CPNE7: variants seen among roughly 807,000 people sequenced by gnomAD.
CPNE7 encodes the protein copine 7.
CPNE7 carries 78 observed loss-of-function variants against 66.5 expected under a neutral mutation model. The observed-to-expected ratio is 1.17, with a 90% CI of 0.98 to 1.42. The LOEUF (loss-of-function observed/expected upper bound fraction) is 1.42, where lower values mean the gene tolerates loss of function less well. CPNE7 is among the 40% of genes most tolerant of loss of function. The pLI, the probability that CPNE7 is intolerant of heterozygous loss-of-function variation, is 0.00. For missense variants in CPNE7, 1,012 were observed against 776.6 expected (o/e 1.30, Z -3.60); for synonymous variants, 468 against 336.7 (o/e 1.39, Z -4.27).
chr16:89,586,862 C>T, intron 8 of CPNE7, 106 bp downstream of exon 8: 2 of 1,189,224 alleles, frequency 1.7e-6, no homozygotes, highest in Non-Finnish European at 2.5e-6. Context: ...TGGGCCCCAG[C>T]ACGTCTGGGG....
At chr16:89,583,460 C>T (rs1290130581) in intron 2 of CPNE7, 4 of 1,550,562 alleles carry the variant, frequency 2.6e-6, no homozygotes, top group African/African-American at 1.4e-5. Flanking sequence ...TGACCTCTGC[C>T]TCCCCTGGGC....
rs1436619913 is a variant in CPNE7 at position 89,575,991 on chromosome 16, C to T, written c.94C>T (p.His32Tyr). Reference protein sequence around the residue: ...SKVELRLSCRHLLDRDPLTKS... With the variant: ...SKVELRLSCRYLLDRDPLTKS... Reference sequence around the variant, plus strand: ...GGTGGAGCTGCGGCTCAGCTGCCGGCACCTGCTGGACCGCGACCCGCTCAC... The same window carrying T: ...GGTGGAGCTGCGGCTCAGCTGCCGGTACCTGCTGGACCGCGACCCGCTCAC... Residue 32 changes from histidine (H) to tyrosine (Y), a missense_variant, in exon 1 of 15, where the codon CAC becomes TAC. By Grantham distance (83) the His-to-Tyr change is moderately conservative. Coordinates refer to ENST00000319518, the MANE Select transcript of CPNE7 (RefSeq NM_153636.3). The T allele has an allele frequency of 2.9e-6, 4 of 1,379,482 alleles. No homozygotes were observed. The highest frequency in any genetic ancestry group is 3.8e-6 in the Non-Finnish European group (4 of 1,065,630). 85.5% of individuals were successfully genotyped at this position (1,379,482 alleles called of 1,614,324 possible).
Position 89,584,854 on chromosome 16 carries a change from G to T in CPNE7, c.588G>T (p.Thr196=), listed in dbSNP as rs753121212. The T allele has an allele frequency of 1.9e-6, 3 of 1,613,156 alleles. No individual in the cohort carries two copies. The South Asian group carries it at 3.3e-5, about 18-fold the overall frequency. ...AGGGCTTGCAGCTGGTGTACAGGAC[G>T]GAGGTGAGCGGCCGGGGATGGGAAC... ...DDQGLQLVYR[T]EVVKNNLNPV... Residue 196 remains threonine, a synonymous_variant, in exon 5 of 15, where the codon ACG becomes ACT. Coordinates refer to ENST00000319518, the MANE Select transcript of CPNE7 (RefSeq NM_153636.3). This position sits in a 1 kb window ranked among gnomAD's most constrained non-coding sequence, Gnocchi z 6.0.
At chr16:89,579,038 C>G in intron 2 of CPNE7, 1 of 1,481,498 alleles carries the variant, frequency 6.7e-7, no homozygotes, top group East Asian at 2.4e-5. Context: ...CGCCTGTAAT[C>G]GCAGCACTTT....
In CPNE7 at chr16:89,596,463, C is replaced by A. The variant is rs145564458; in HGVS notation, c.1540-21C>A. The A allele has an allele frequency of 6.9e-3, 10,934 of 1,595,672 alleles. 112 individuals are homozygous for A. Among genetic ancestry groups the A allele is most frequent in the Non-Finnish European group, 6.5e-3 (7,656 of 1,174,252 alleles). On this transcript the variant is annotated intron_variant, in intron 14 of 14. Coordinates refer to ENST00000319518, the MANE Select transcript of CPNE7 (RefSeq NM_153636.3). ...TCCATCTCGAAGGTCCCAGAGGTAA[C>A]TGCGTTGTCCCATCCTCCAGGCATC... is the stretch of plus-strand genomic sequence containing the variant.
intron 10 of CPNE7, among the ~76,000 whole-genome samples, chr16:89,589,219 G>A (rs11862848): frequency 0.28 from 42,115 of 152,062 alleles, 7,763 homozygotes; most frequent in East Asian, 0.84. Context: ...TGGAACCCGG[G>A]AGGCGGAGGT....
At position 89,588,564 on chromosome 16, in the gene CPNE7, G is replaced by A. The variant is rs766321365; in HGVS notation, c.928-111G>A. The A allele has an allele frequency of 2.5e-4, 349 of 1,391,226 alleles. 4 individuals carry two copies. The highest frequency in any genetic ancestry group is 2.3e-3 in the South Asian group (178 of 77,730). 86.2% of individuals were successfully genotyped at this position (1,391,226 alleles called of 1,614,324 possible). On this transcript the variant is annotated intron_variant, in intron 9 of 14. Transcript: ENST00000319518. ...CAGCCCCCCAGCCCTACCCACCTAC[G>A]CGACCCCTGACCCTGAGTCCTGGCC...
At chr16:89,582,779 T>C (rs1214859735) in intron 2 of CPNE7, among the ~76,000 whole-genome samples, 3 of 152,242 alleles carry the variant, frequency 2.0e-5, no homozygotes, top group Non-Finnish European at 2.9e-5. Flanking sequence ...CCTACCTCAT[T>C]GTGACCTCCC....
chr16:89,578,854 C>T (rs1456781786), intron 2 of CPNE7: 1 of 1,610,148 alleles, frequency 6.2e-7, no homozygotes, highest in Non-Finnish European at 8.5e-7. Context: ...ACGGCCTCCA[C>T]AGCCAGCCCA....
chr16:89,591,276 G>T lies in CPNE7; in HGVS notation c.1302+16G>T. The T allele has an allele frequency of 6.4e-7, 1 of 1,556,308 alleles. No individual in the cohort carries two copies. The highest frequency in any genetic ancestry group is 8.7e-7 in the Non-Finnish European group (1 of 1,151,816). ...GAAAGCCTCTGTAGGTGCCCGGGGG[G>T]TGTGGTGCATGCTTGGTGTGGGGTC... On this transcript the variant is annotated intron_variant, in intron 13 of 14. Transcript: ENST00000319518.
chr16:89,587,159 CG>C lies in CPNE7; in HGVS notation c.927+58del. 2 of 949,930 alleles carry C rather than the reference CG, an allele frequency of 2.1e-6. 1 individual carries two copies. The allele number at this position is 949,930 out of a possible 1,614,324, so 58.8% of individuals were successfully genotyped here. On this transcript the variant is annotated intron_variant, in intron 9 of 14. Transcript: ENST00000319518. ...CTCAGTCCGTGGCCCCGCCCCGCCC[CG>C]CCCCCTCAGTCCGTGGCCCCGCCCC...
At chr16:89,590,494 C>T (rs1051071713) in intron 11 of CPNE7, among the ~76,000 whole-genome samples, 1 of 151,994 alleles carries the variant, frequency 6.6e-6, no homozygotes, top group Non-Finnish European at 1.5e-5. Flanking sequence ...CACTGCAGTC[C>T]AGCCTGGCCT....
At chr16:89,586,886 C>A in intron 8 of CPNE7, 130 bp downstream of exon 8, 1 of 1,096,988 alleles carries the variant, frequency 9.1e-7, no homozygotes, top group African/African-American at 1.6e-5. Context: ...GGCTGAGAGA[C>A]GGGGAAGGGC....
At chr16:89,583,375 T>TGCAGGC (rs1384352335) in intron 2 of CPNE7, 2 of 1,444,032 alleles carry the variant, frequency 1.4e-6, no homozygotes, top group Non-Finnish European at 1.9e-6. Flanking sequence ...CCTGTGCAGG[T>TGCAGGC]GCAGGCCAGC....
intron 2 of CPNE7, among the ~76,000 whole-genome samples, chr16:89,579,805 TCACCCGTCACACGGAACATCCCA>T: frequency 3.4e-5 from 3 of 86,998 alleles, no homozygotes; most frequent in Non-Finnish European, 7.2e-5. Flanking sequence ...ACGGAACATC[TCACCCGTCACACGGAACATCCCA>T]CACCCATCAC....
chr16:89,576,028 C>A lies in CPNE7; in HGVS notation c.131C>A (p.Pro44His). The A allele has an allele frequency of 7.4e-7, 1 of 1,343,992 alleles. No individual in the cohort carries two copies. The highest frequency in any genetic ancestry group is 9.6e-7 in the Non-Finnish European group (1 of 1,046,992). The allele number at this position is 1,343,992 out of a possible 1,614,324, so 83.3% of individuals were successfully genotyped here. A position where few individuals can be genotyped will look rare whatever the true frequency, so the allele number is the denominator to read the frequency against. The stretch of plus-strand genomic sequence containing the variant: ...CGCGACCCGCTCACCAAGTCCGACC[C>A]CAGCGTGGCGTTGCTGCAGCAGGCG... ...LDRDPLTKSD[P>H]SVALLQQAQG... The change falls in exon 1 of 15, where the codon CCC becomes CAC. Residue 44 changes from proline (P) to histidine (H), a missense_variant. Pro to His is a moderately conservative substitution (Grantham distance 77). Coordinates refer to ENST00000319518, the MANE Select transcript of CPNE7 (RefSeq NM_153636.3).
Position 89,583,722 on chromosome 16 carries a change from G to A in CPNE7, c.383G>A (p.Arg128His), listed in dbSNP as rs748422849. The A allele has an allele frequency of 1.6e-5, 25 of 1,612,672 alleles. No individual in the cohort carries two copies. Among genetic ancestry groups the A allele is most frequent in the African/African-American group, 4.0e-5 (3 of 74,926 alleles). Residue 128 changes from arginine (R) to histidine (H), a missense_variant, in exon 3 of 15, where the codon CGC (arginine) becomes CAC (histidine). Coordinates refer to ENST00000319518, the MANE Select transcript of CPNE7 (RefSeq NM_153636.3). ...ATTGTGGCCCAGAAGAAGGTGACCC[G>A]CCCGCTGCTGCTCAAGTTTGGCAGG... ...GQIVAQKKVT[R>H]PLLLKFGRNA...
At chr16:89,585,372 G>A (rs975714311) in intron 5 of CPNE7, 92 bp from the exon 6 acceptor site, 22 of 877,426 alleles carry the variant, frequency 2.5e-5, no homozygotes, top group African/African-American at 3.4e-5. Context: ...AGCTGTGCCC[G>A]CCTCACAGCT....
Position 89,584,828 on chromosome 16 carries a change from C to T in CPNE7, c.562C>T (p.Gln188Ter), listed in dbSNP as rs1301588223. 2 of 1,613,640 alleles carry T rather than the reference C, an allele frequency of 1.2e-6. No homozygotes were observed. Among genetic ancestry groups the T allele is most frequent in the South Asian group, 2.2e-5 (2 of 91,082 alleles). ...GGAGCTCTACAGGGTCAACGACGAC[C>T]AGGGCTTGCAGCTGGTGTACAGGAC... The part of the protein sequence containing the change: ...FLELYRVNDD[Q>*]GLQLVYRTEV... Residue 188 changes from glutamine (Q) to a stop codon, truncating the protein, a stop_gained, in exon 5 of 15, where the codon CAG (glutamine) becomes TAG (stop). Transcript: ENST00000319518. LOFTEE classifies it high-confidence loss of function. This position sits in a 1 kb window ranked among gnomAD's most constrained non-coding sequence, Gnocchi z 6.0.
Sources: gnomAD v4.1 joint callset for allele counts (sites outside exome capture counted in the v4.1 genomes callset) on GRCh38, gnomAD v4.1.1 for gene constraint, Gnocchi (gnomAD v3.1) non-coding constraint, MANE v1.5 for transcripts, NCBI Gene and HGNC (gene_info 2026-07-23, HGNC 2026-07-21) for gene names.